ROBO2: variants seen among roughly 807,000 people sequenced by gnomAD.
ROBO2 encodes roundabout homolog 2.
ROBO2 carries 53 observed loss-of-function variants against 160.8 expected under a neutral mutation model. That is an observed-to-expected ratio of 0.33 (90% CI 0.26 to 0.41). ROBO2 has a LOEUF of 0.41. Ranked by LOEUF, ROBO2 falls within the 10% of genes least tolerant of loss-of-function variation. The pLI is 1.00. For synonymous variants in ROBO2, 664 were observed against 611.7 expected (o/e 1.09, Z -1.26); for missense variants, 1,577 against 1,722.4 (o/e 0.92, Z 1.49).
intron 2 of ROBO2, among the ~76,000 whole-genome samples, chr3:77,242,950 AAT>A (rs2089243373): frequency 6.6e-6 from 1 of 151,312 alleles, no homozygotes; most frequent in South Asian, 2.1e-4. Context: ...AGAGAGAGTG[AAT>A]ATGTGTGTGT....
chr3:76,186,778 T>C (rs1374075537), intron 2 of ROBO2, among the ~76,000 whole-genome samples: 1 of 152,144 alleles, frequency 6.6e-6, no homozygotes. Flanking sequence ...CTAATTCATC[T>C]CCAATTCATT....
chr3:77,599,321 CTGCTT>C (rs1213003509), intron 19 of ROBO2, among the ~76,000 whole-genome samples: 1 of 151,990 alleles, frequency 6.6e-6, no homozygotes, highest in African/African-American at 2.4e-5. Context: ...GTAGAAAACT[CTGCTT>C]TGTATTGTAA....
intron 2 of ROBO2, among the ~76,000 whole-genome samples, chr3:76,604,718 G>C (rs1244750460): frequency 2.0e-5 from 3 of 152,054 alleles, no homozygotes; most frequent in Non-Finnish European, 4.4e-5. Flanking sequence ...CTTTTGCATG[G>C]GAGTATGTAG....
intron 2 of ROBO2, among the ~76,000 whole-genome samples, chr3:76,912,954 T>A (rs1329764800): frequency 6.8e-6 from 1 of 147,468 alleles, no homozygotes; most frequent in Non-Finnish European, 1.5e-5. Context: ...AGAGGGAGTT[T>A]AAAAAAAAAA....
chr3:76,659,951 TG>T (rs2091747772), intron 2 of ROBO2, among the ~76,000 whole-genome samples: 1 of 152,174 alleles, frequency 6.6e-6, no homozygotes. Flanking sequence ...TTTAGAAAAC[TG>T]AGTAGCAAAT....
chr3:76,625,073 A>AT (rs1342202442), intron 2 of ROBO2, among the ~76,000 whole-genome samples: 1 of 151,924 alleles, frequency 6.6e-6, no homozygotes, highest in Admixed American at 6.6e-5. Flanking sequence ...TCCTCGCCTC[A>AT]TTTTTTTCTA....
At chr3:76,357,299 A>G (rs762243750) in intron 2 of ROBO2, among the ~76,000 whole-genome samples, 1 of 152,004 alleles carries the variant, frequency 6.6e-6, no homozygotes, top group Non-Finnish European at 1.5e-5. Context: ...CTGAGCACAC[A>G]TGAACACAAA....
At chr3:76,610,418 G>A (rs2109068286) in intron 2 of ROBO2, among the ~76,000 whole-genome samples, 2 of 152,236 alleles carry the variant, frequency 1.3e-5, no homozygotes, top group Middle Eastern at 6.8e-3. Context: ...GGAACGGCGT[G>A]GGGTGAGCAG....
At chr3:77,192,866 C>T (rs544959506) in intron 2 of ROBO2, among the ~76,000 whole-genome samples, 1 of 151,890 alleles carries the variant, frequency 6.6e-6, no homozygotes, top group South Asian at 2.1e-4. Context: ...GTTGGCCAGG[C>T]TGGTCTCAAA....
chr3:76,640,613 G>A, intron 2 of ROBO2, among the ~76,000 whole-genome samples: 1 of 151,922 alleles, frequency 6.6e-6, no homozygotes, highest in Non-Finnish European at 1.5e-5. Flanking sequence ...GTGTGTGTGT[G>A]TGTGTGTGTG....
intron 1 of ROBO2, among the ~76,000 whole-genome samples, chr3:75,922,214 A>G (rs925457113): frequency 3.9e-5 from 6 of 152,184 alleles, no homozygotes; most frequent in African/African-American, 1.4e-4. Context: ...TTATAGTTGC[A>G]CAAAGGTATA....
intron 2 of ROBO2, among the ~76,000 whole-genome samples, chr3:76,966,472 T>C (rs565513870): frequency 1.3e-5 from 2 of 152,302 alleles, no homozygotes; most frequent in South Asian, 4.1e-4. Context: ...AAGTCTGCTT[T>C]ACATCTCTCT....
chr3:77,427,321 C>T (rs1372401930), intron 2 of ROBO2, among the ~76,000 whole-genome samples: 1 of 152,200 alleles, frequency 6.6e-6, no homozygotes, highest in Non-Finnish European at 1.5e-5. Flanking sequence ...ATGTGCTAGT[C>T]AGTGTTGTAA....
At chr3:77,550,010 G>A (rs1417668142) in intron 7 of ROBO2, among the ~76,000 whole-genome samples, 3 of 102,220 alleles carry the variant, frequency 2.9e-5, no homozygotes, top group African/African-American at 1.1e-4. Flanking sequence ...TTTCTTAATT[G>A]AACAACAGTA....
chr3:77,134,512 C>T (rs191702971), intron 2 of ROBO2, among the ~76,000 whole-genome samples: 9 of 152,280 alleles, frequency 5.9e-5, no homozygotes, highest in Non-Finnish European at 1.0e-4. Flanking sequence ...TAAAGGTTAA[C>T]TTAGGATTGG....
At chr3:77,291,057 A>G (rs1332423035) in intron 2 of ROBO2, among the ~76,000 whole-genome samples, 11 of 150,514 alleles carry the variant, frequency 7.3e-5, no homozygotes, top group African/African-American at 2.7e-4. Flanking sequence ...GAGTAAGCTG[A>G]GGCTAGATCA....
chr3:77,512,931 A>T (rs1234163207), intron 5 of ROBO2, among the ~76,000 whole-genome samples: 3 of 151,954 alleles, frequency 2.0e-5, no homozygotes, highest in Admixed American at 6.6e-5. Flanking sequence ...ATAAAATTTT[A>T]AGTGCTAATT....
intron 2 of ROBO2, among the ~76,000 whole-genome samples, chr3:76,963,257 CTTCA>C (rs945063205): frequency 2.2e-4 from 34 of 152,028 alleles, no homozygotes; most frequent in African/African-American, 6.0e-4. Flanking sequence ...GATCAATTTT[CTTCA>C]TTTATATATT....
At chr3:76,490,782 G>T (rs1281814063) in intron 2 of ROBO2, among the ~76,000 whole-genome samples, 1 of 152,106 alleles carries the variant, frequency 6.6e-6, no homozygotes, top group African/African-American at 2.4e-5. Flanking sequence ...ATGTGTCTCT[G>T]AGCTTTCTTA....
Sources: gnomAD v4.1 joint callset for allele counts (sites outside exome capture counted in the v4.1 genomes callset) on GRCh38, gnomAD v4.1.1 for gene constraint, MANE v1.5 for transcripts, NCBI Gene and HGNC (gene_info 2026-07-23, HGNC 2026-07-21) for gene names.